Variants in JMJD1C observed in about 807,000 individuals in gnomAD.
JMJD1C encodes the protein jumonji domain containing 1C.
Under a neutral mutation model 245.3 loss-of-function variants are expected in JMJD1C, and 31 were observed. The ratio of observed to expected loss-of-function variants is 0.13; its 90% confidence interval spans 0.09 to 0.17. The LOEUF is 0.17. JMJD1C is among the 10% of genes least tolerant of loss of function. The pLI is 1.00. For missense variants in JMJD1C, 2,691 were observed against 3,000.2 expected (o/e 0.90, Z 2.41); for synonymous variants, 1,057 against 1,017.4 (o/e 1.04, Z -0.74).
chr10:63,446,147 T>C (rs1951708110), intron 1 of JMJD1C, among the ~76,000 whole-genome samples: 1 of 152,074 alleles, frequency 6.6e-6, no homozygotes, highest in Non-Finnish European at 1.5e-5. Flanking sequence ...AGTGCTGAGA[T>C]TACAGGCGTT....
At chr10:63,301,746 T>A in intron 2 of JMJD1C, 1 of 452,314 alleles carries the variant, frequency 2.2e-6, no homozygotes, top group Non-Finnish European at 4.4e-6. Context: ...CAAACCACCA[T>A]GGCACGTGTA....
chr10:63,420,227 A>G (rs961788343), intron 1 of JMJD1C, among the ~76,000 whole-genome samples: 1 of 152,204 alleles, frequency 6.6e-6, no homozygotes, highest in Non-Finnish European at 1.5e-5. Flanking sequence ...AAACAAGTAC[A>G]TGAGAAAATA....
At chr10:63,494,718 ATTG>A (rs1374823428) in intron 1 of JMJD1C, among the ~76,000 whole-genome samples, 12 of 152,238 alleles carry the variant, frequency 7.9e-5, no homozygotes, top group Non-Finnish European at 1.6e-4. Flanking sequence ...TCCTTGCAGT[ATTG>A]TTATTGTATT....
chr10:63,256,221 G>A (rs1256095804), intron 3 of JMJD1C, among the ~76,000 whole-genome samples: 1 of 152,086 alleles, frequency 6.6e-6, no homozygotes, highest in Non-Finnish European at 1.5e-5. Flanking sequence ...AAAATAACAT[G>A]TTCCTAAACT....
chr10:63,217,131 T>C (rs1848089077), intron 5 of JMJD1C, 76 bp downstream of exon 5: 1 of 1,271,888 alleles, frequency 7.9e-7, no homozygotes, highest in South Asian at 1.4e-5. Context: ...TAGTATCAAA[T>C]TGTTGATGTA....
chr10:63,378,138 G>A (rs1398480744), intron 2 of JMJD1C, among the ~76,000 whole-genome samples: 1 of 151,826 alleles, frequency 6.6e-6, no homozygotes, highest in Non-Finnish European at 1.5e-5. Flanking sequence ...GATTGTTTAA[G>A]TAGGCCTAAT....
chr10:63,496,896 G>A (rs1157857518), intron 1 of JMJD1C, among the ~76,000 whole-genome samples: 1 of 152,072 alleles, frequency 6.6e-6, no homozygotes, highest in Non-Finnish European at 1.5e-5. Flanking sequence ...GTTATAATAA[G>A]AACAAGATGT....
chr10:63,220,562 T>C (rs1848479766), intron 3 of JMJD1C, among the ~76,000 whole-genome samples: 1 of 152,210 alleles, frequency 6.6e-6, no homozygotes, highest in Non-Finnish European at 1.5e-5. Context: ...ATTACATTAT[T>C]GATGGTATTA....
intron 2 of JMJD1C, among the ~76,000 whole-genome samples, chr10:63,267,434 T>C (rs188155520): frequency 6.6e-6 from 1 of 152,120 alleles, no homozygotes; most frequent in Admixed American, 6.5e-5. Flanking sequence ...TAAAAACAAA[T>C]GGGTCCTACA....
intron 1 of JMJD1C, among the ~76,000 whole-genome samples, chr10:63,419,441 A>G (rs1564900003): frequency 2.0e-5 from 3 of 152,160 alleles, no homozygotes; most frequent in Non-Finnish European, 4.4e-5. Flanking sequence ...GTTTTAAGCC[A>G]TGTACTAATA....
At chr10:63,237,334 C>T (rs570188411) in intron 3 of JMJD1C, among the ~76,000 whole-genome samples, 4 of 130,020 alleles carry the variant, frequency 3.1e-5, no homozygotes, top group African/African-American at 9.3e-5. Context: ...CACTGTGCCT[C>T]GCCAAACACT....
chr10:63,205,150 G>T, intron 10 of JMJD1C: 1 of 423,052 alleles, frequency 2.4e-6, no homozygotes, highest in Non-Finnish European at 3.2e-6. Context: ...TGCCACAAAG[G>T]ATATATAATC....
intron 2 of JMJD1C, among the ~76,000 whole-genome samples, chr10:63,337,667 C>A (rs1942975456): frequency 6.7e-6 from 1 of 149,244 alleles, no homozygotes; most frequent in African/African-American, 2.5e-5. Context: ...TCACAGTAAT[C>A]CACTAACAGT....
At chr10:63,504,583 T>C (rs539072617) in intron 1 of JMJD1C, among the ~76,000 whole-genome samples, 53 of 151,980 alleles carry the variant, frequency 3.5e-4, no homozygotes, top group African/African-American at 1.2e-3. Flanking sequence ...TAAGATGAAT[T>C]TGGAAAGGCA....
intron 2 of JMJD1C, among the ~76,000 whole-genome samples, chr10:63,345,916 AGGTACAT>A (rs1478901470): frequency 1.3e-5 from 2 of 152,220 alleles, no homozygotes; most frequent in Admixed American, 6.5e-5. Context: ...ACAGGGAAAA[AGGTACAT>A]ACGGAATAAA....
At chr10:63,442,162 A>G (rs1951427831) in intron 1 of JMJD1C, among the ~76,000 whole-genome samples, 1 of 152,228 alleles carries the variant, frequency 6.6e-6, no homozygotes, top group South Asian at 2.1e-4. Flanking sequence ...GATCTAATCA[A>G]GAGTTGAGTT....
chr10:63,256,506 C>T (rs988051717), intron 3 of JMJD1C, among the ~76,000 whole-genome samples: 10 of 152,160 alleles, frequency 6.6e-5, no homozygotes, highest in African/African-American at 2.4e-4. Flanking sequence ...TATATTGACT[C>T]TGCTTTAGCT....
chr10:63,186,396 T>A lies in JMJD1C; in HGVS notation c.6571-13A>T. The A allele has an allele frequency of 3.8e-6, 6 of 1,567,178 alleles. No individual in the cohort carries two copies. The highest frequency in any genetic ancestry group is 5.2e-6 in the Non-Finnish European group (6 of 1,155,252). ...AAACCACTGCAGGCTTATAAATAGA[T>A]AAATAAATAACAGTTAAAAGATATA... On this transcript the variant is annotated splice_polypyrimidine_tract_variant and intron_variant, in intron 18 of 25. Coordinates refer to ENST00000399262, the MANE Select transcript of JMJD1C (RefSeq NM_032776.3).
intron 24 of JMJD1C, among the ~76,000 whole-genome samples, chr10:63,175,146 C>T (rs1239967155): frequency 1.3e-5 from 2 of 152,142 alleles, no homozygotes; most frequent in Non-Finnish European, 2.9e-5. Flanking sequence ...ATTTATAATA[C>T]TAGTCTCTTA....
Sources: allele counts gnomAD v4.1 joint callset (sites outside exome capture counted in the v4.1 genomes callset), GRCh38; gene constraint gnomAD v4.1.1; transcripts MANE v1.5; gene names NCBI Gene and HGNC (gene_info 2026-07-23, HGNC 2026-07-21).